LRBA: variants seen among roughly 807,000 people sequenced by gnomAD.
The protein encoded by LRBA is lipopolysaccharide-responsive and beige-like anchor protein.
In LRBA, 176 loss-of-function variants were observed where a neutral mutation model predicts 330.0. That is an observed-to-expected ratio of 0.53 (90% confidence interval 0.47 to 0.60). The LOEUF (loss-of-function observed/expected upper bound fraction) is 0.60. Among genes scored for constraint, LRBA ranks in the 20% least tolerant of loss-of-function variants. The pLI is 0.00. For synonymous variants in LRBA, 1,230 were observed against 1,193.0 expected (o/e 1.03, Z -0.64); for missense variants, 3,259 against 3,444.8 (o/e 0.95, Z 1.35).
chr4:150,610,738 T>C (rs765449769), intron 37 of LRBA, among the ~76,000 whole-genome samples: 138 of 152,264 alleles, frequency 9.1e-4, no homozygotes, highest in Non-Finnish European at 1.6e-3. Flanking sequence ...TGACTATGGG[T>C]GATAAATCCA....
intron 33 of LRBA, among the ~76,000 whole-genome samples, chr4:150,804,810 C>T (rs1742317908): frequency 1.3e-5 from 2 of 152,134 alleles, no homozygotes; most frequent in South Asian, 2.1e-4. Flanking sequence ...GTAGCTTCAC[C>T]TTAAAAAATC....
intron 30 of LRBA, among the ~76,000 whole-genome samples, chr4:150,827,693 C>A (rs571522156): frequency 7.4e-4 from 112 of 151,796 alleles, no homozygotes; most frequent in South Asian, 1.5e-3. Context: ...ACTGCCCCTC[C>A]TGGGTTCAAG....
intron 47 of LRBA, among the ~76,000 whole-genome samples, chr4:150,368,214 T>C (rs1044624957): frequency 2.6e-5 from 4 of 152,112 alleles, no homozygotes; most frequent in Non-Finnish European, 5.9e-5. Flanking sequence ...ATTCACAGTT[T>C]ACCTTCGGAG....
intron 40 of LRBA, among the ~76,000 whole-genome samples, chr4:150,510,365 G>A (rs186418941): frequency 3.4e-4 from 51 of 152,202 alleles, no homozygotes; most frequent in Non-Finnish European, 5.7e-4. Context: ...GTGCCAACTC[G>A]TTCTATGAGG....
At chr4:150,578,522 T>C (rs1254937264) in intron 40 of LRBA, among the ~76,000 whole-genome samples, 1 of 152,176 alleles carries the variant, frequency 6.6e-6, no homozygotes, top group East Asian at 1.9e-4. Context: ...TTAACCATGA[T>C]AAGTAAAAAT....
At chr4:150,869,892 C>T (rs1753223995) in intron 20 of LRBA, among the ~76,000 whole-genome samples, 1 of 152,076 alleles carries the variant, frequency 6.6e-6, no homozygotes, top group African/African-American at 2.4e-5. Context: ...AATGACATCA[C>T]GTTTCTCTGA....
rs145201218 is a variant in LRBA, at chr4:150,676,145, T to A, written c.5921+7406A>T. On this transcript the variant is annotated intron_variant, in intron 37 of 56. Coordinates refer to ENST00000651943, the MANE Select transcript of LRBA (RefSeq NM_001364905.1). ...TTTTTTTAGCTTATTCATTGTCACATAACCAGTTAATGACAACGGCTGAGA... is the reference window on the plus strand; with the variant it reads ...TTTTTTTAGCTTATTCATTGTCACAAAACCAGTTAATGACAACGGCTGAGA... 1.1e-3 allele frequency among the ~76,000 whole-genome samples: 171 copies of A among 152,286 alleles called. 2 individuals carry two copies. Among genetic ancestry groups the A allele is most frequent in the African/African-American group, 3.9e-3 (161 of 41,570 alleles).
intron 44 of LRBA, among the ~76,000 whole-genome samples, chr4:150,459,100 A>C (rs1229943831): frequency 6.6e-6 from 1 of 151,922 alleles, no homozygotes; most frequent in Non-Finnish European, 1.5e-5. Context: ...TCCAAAGAGT[A>C]ATACAATCTT....
intron 47 of LRBA, among the ~76,000 whole-genome samples, chr4:150,401,618 G>A (rs888566796): frequency 2.6e-5 from 4 of 151,922 alleles, no homozygotes; most frequent in African/African-American, 7.3e-5. Flanking sequence ...ATATTGCAGC[G>A]TAAAAATTAT....
intron 40 of LRBA, chr4:150,579,392 A>T: frequency 2.2e-6 from 1 of 451,896 alleles, no homozygotes; most frequent in Middle Eastern, 4.7e-4. Context: ...AAAGAGAACC[A>T]GCAAGAGGGA....
intron 30 of LRBA, among the ~76,000 whole-genome samples, chr4:150,822,942 T>G (rs906804646): frequency 6.6e-6 from 1 of 151,980 alleles, no homozygotes; most frequent in Non-Finnish European, 1.5e-5. Flanking sequence ...CTTAAACCGG[T>G]AAGCACAGTG....
At chr4:150,759,498 T>C (rs551854854) in intron 35 of LRBA, among the ~76,000 whole-genome samples, 18 of 152,176 alleles carry the variant, frequency 1.2e-4, no homozygotes, top group Non-Finnish European at 2.2e-4. Context: ...TGACTCCCTG[T>C]GTGCTTCAAG....
chr4:150,434,090 A>G (rs1430145768), intron 46 of LRBA, among the ~76,000 whole-genome samples: 1 of 152,198 alleles, frequency 6.6e-6, no homozygotes, highest in Non-Finnish European at 1.5e-5. Context: ...CATTAGCAGT[A>G]TAACTTTTCT....
intron 2 of LRBA, among the ~76,000 whole-genome samples, chr4:150,992,264 C>T (rs1397137326): frequency 7.9e-6 from 1 of 126,556 alleles, no homozygotes; most frequent in Non-Finnish European, 1.7e-5. Context: ...TGCAGTGAGC[C>T]GAGACTACAC....
At chr4:150,335,555 CAT>C (rs1237707275) in intron 48 of LRBA, among the ~76,000 whole-genome samples, 2 of 149,112 alleles carry the variant, frequency 1.3e-5, no homozygotes, top group Non-Finnish European at 3.0e-5. Flanking sequence ...TACACACACA[CAT>C]ATATGTATAT....
chr4:150,828,772 G>A (rs532033239), intron 29 of LRBA, 151 bp from the exon 30 acceptor site: 38 of 645,180 alleles, frequency 5.9e-5, no homozygotes, highest in African/African-American at 5.7e-4. Context: ...GTATTCTACA[G>A]AATGTACTGA....
chr4:150,516,000 T>C (rs910486126), intron 40 of LRBA, among the ~76,000 whole-genome samples: 1 of 151,918 alleles, frequency 6.6e-6, no homozygotes, highest in African/African-American at 2.4e-5. Flanking sequence ...GTATATGAGT[T>C]TTATAAATTA....
At chr4:150,800,878 A>G (rs1279131475) in intron 33 of LRBA, among the ~76,000 whole-genome samples, 1 of 152,202 alleles carries the variant, frequency 6.6e-6, no homozygotes, top group Non-Finnish European at 1.5e-5. Flanking sequence ...CAAGAGTTTT[A>G]TATCTGCACT....
At chr4:151,000,918 C>G (rs144435687) in intron 2 of LRBA, among the ~76,000 whole-genome samples, 17 of 152,196 alleles carry the variant, frequency 1.1e-4, no homozygotes, top group Non-Finnish European at 2.2e-4. Flanking sequence ...ATCCCCACTG[C>G]GGGGAAACAG....
Sources: gnomAD v4.1 joint callset for allele counts (sites outside exome capture counted in the v4.1 genomes callset) on GRCh38, gnomAD v4.1.1 for gene constraint, MANE v1.5 for transcripts, NCBI Gene and HGNC (gene_info 2026-07-23, HGNC 2026-07-21) for gene names.